Variants in MYO16 observed in about 807,000 individuals in gnomAD.
MYO16 encodes myosin XVI.
Under a neutral mutation model 205.3 loss-of-function variants are expected in MYO16, and 94 were observed. That is an observed-to-expected ratio of 0.46 (90% CI 0.39 to 0.54). The LOEUF (loss-of-function observed/expected upper bound fraction) is 0.54, where lower values mean the gene tolerates loss of function less well. MYO16 is among the 20% of genes least tolerant of loss of function. The probability of loss-of-function intolerance (pLI) is 0.00; values close to 1 mark genes in which losing one functional copy is unlikely to be tolerated. For missense variants in MYO16, 2,315 were observed against 2,387.5 expected, an observed-to-expected ratio of 0.97 and a Z score of 0.63; for synonymous variants, 988 against 954.0, an observed-to-expected ratio of 1.04 and a Z score of -0.66.
chr13:108,721,498 T>G (rs1161289359), intron 3 of MYO16, among the ~76,000 whole-genome samples: 1 of 152,140 alleles, frequency 6.6e-6, no homozygotes, highest in East Asian at 1.9e-4. Flanking sequence ...GGATGACATT[T>G]TGGGGATCTT....
At chr13:108,942,817 A>G (rs1882784462) in intron 16 of MYO16, among the ~76,000 whole-genome samples, 1 of 152,146 alleles carries the variant, frequency 6.6e-6, no homozygotes, top group Non-Finnish European at 1.5e-5. Context: ...CAAAACCACA[A>G]AACACTGTCT....
chr13:108,890,881 C>G (rs1240758639), intron 14 of MYO16, among the ~76,000 whole-genome samples: 1 of 152,174 alleles, frequency 6.6e-6, no homozygotes, highest in Non-Finnish European at 1.5e-5. Context: ...ATATCCCCTT[C>G]CTCTTACTCT....
intron 23 of MYO16, among the ~76,000 whole-genome samples, chr13:109,029,997 A>G (rs1320276476): frequency 6.6e-6 from 1 of 152,152 alleles, no homozygotes; most frequent in Non-Finnish European, 1.5e-5. Context: ...ATTTTTTCAT[A>G]AAGGAATCAA....
intron 27 of MYO16, among the ~76,000 whole-genome samples, chr13:109,093,938 G>A (rs1342490428): frequency 6.6e-6 from 1 of 152,084 alleles, no homozygotes; most frequent in Admixed American, 6.6e-5. Context: ...TCTGAGCTGA[G>A]GTCCTGACAG....
chr13:109,064,479 G>A (rs954438277), intron 27 of MYO16, among the ~76,000 whole-genome samples: 6 of 152,178 alleles, frequency 3.9e-5, no homozygotes, highest in African/African-American at 1.4e-4. Context: ...CCACCAATAT[G>A]TTCTGTAGAA....
At chr13:108,762,959 A>G (rs1191691283) in intron 4 of MYO16, among the ~76,000 whole-genome samples, 1 of 151,886 alleles carries the variant, frequency 6.6e-6, no homozygotes, top group Admixed American at 6.6e-5. Flanking sequence ...ATAAACACCA[A>G]TTAATATTTT....
chr13:108,726,567 A>AAAAAAAG (rs1555342198), intron 3 of MYO16, among the ~76,000 whole-genome samples: 13 of 150,278 alleles, frequency 8.7e-5, no homozygotes, highest in African/African-American at 3.2e-4. Context: ...CAAAAAAAAA[A>AAAAAAAG]AAAAAGAAAA....
chr13:108,855,170 C>A (rs772637846), intron 10 of MYO16: 62 of 305,606 alleles, frequency 2.0e-4, no homozygotes, highest in Non-Finnish European at 3.6e-4. Context: ...CTGAACTCAT[C>A]TTGACAGACC....
At position 109,120,438 on chromosome 13, in the gene MYO16, G is replaced by T. The variant is rs552430986; in HGVS notation, c.3507G>T (p.Leu1169Phe). The T allele has an allele frequency of 2.5e-6, 4 of 1,611,736 alleles. No individual in the cohort carries two copies. The Admixed American group carries it at 6.7e-5, about 27-fold the overall frequency. Residue 1169 changes from leucine to phenylalanine, a missense_variant, in exon 29 of 35, where the codon TTG becomes TTT. Transcript: ENST00000457511. ...ADQLNDLCLQ[L>F]QRKIITCQKV... ...AACTCAATGATTTGTGCCTACAGTT[G>T]CAGAGAAAAATTATAACCTGCCAAA... is the stretch of plus-strand genomic sequence containing the variant.
chr13:108,747,490 A>G (rs1466335708), intron 4 of MYO16, among the ~76,000 whole-genome samples: 3 of 152,166 alleles, frequency 2.0e-5, no homozygotes, highest in Admixed American at 6.5e-5. Context: ...TTAAAAATGT[A>G]TATTGGAAAC....
chr13:108,554,848 TAA>T, the MYO16 span, among the ~76,000 whole-genome samples: 3,635 of 77,832 alleles, frequency 0.047, 75 homozygotes, highest in South Asian at 0.17. Context: ...AGACTCTGAC[TAA>T]AAAAAAAAAA....
chr13:108,765,057 T>G (rs1885733355), intron 4 of MYO16, among the ~76,000 whole-genome samples: 1 of 152,286 alleles, frequency 6.6e-6, no homozygotes, highest in South Asian at 2.1e-4. Context: ...AGATAATCAT[T>G]GAATCTTTTG....
intron 4 of MYO16, among the ~76,000 whole-genome samples, chr13:108,737,246 C>T (rs1209885717): frequency 6.6e-6 from 1 of 152,116 alleles, no homozygotes; most frequent in African/African-American, 2.4e-5. Flanking sequence ...CTAGTTTTTG[C>T]CCATTCAGTA....
chr13:108,729,672 AT>A (rs1218252066), intron 4 of MYO16, among the ~76,000 whole-genome samples: 1 of 152,180 alleles, frequency 6.6e-6, no homozygotes, highest in Non-Finnish European at 1.5e-5. Context: ...TGTGCTTAAA[AT>A]TTTTAAATCC....
chr13:108,786,518 A>C (rs960581457), intron 5 of MYO16, among the ~76,000 whole-genome samples: 2 of 152,234 alleles, frequency 1.3e-5, no homozygotes, highest in African/African-American at 4.8e-5. Context: ...ACAGTTTTTA[A>C]GAGCCACACG....
chr13:108,597,173 T>A (rs935628245), intron 1 of MYO16, among the ~76,000 whole-genome samples: 3 of 152,210 alleles, frequency 2.0e-5, no homozygotes, highest in Admixed American at 6.5e-5. Flanking sequence ...TTTCACTACA[T>A]GCTTACAACA....
At chr13:108,818,372 AAAC>A (rs1025067176) in intron 7 of MYO16, among the ~76,000 whole-genome samples, 1 of 113,100 alleles carries the variant, frequency 8.8e-6, no homozygotes, top group African/African-American at 2.8e-5. Flanking sequence ...TGAGAAAGTG[AAAC>A]AACGTCTCAA....
intron 1 of MYO16, among the ~76,000 whole-genome samples, chr13:108,642,970 A>T (rs549744878): frequency 2.2e-4 from 33 of 152,084 alleles, no homozygotes; most frequent in Non-Finnish European, 3.2e-4. Flanking sequence ...TAACTCTTCC[A>T]TTATTGTTTT....
At chr13:108,666,854 A>G (rs1343652231) in intron 2 of MYO16, among the ~76,000 whole-genome samples, 1 of 152,154 alleles carries the variant, frequency 6.6e-6, no homozygotes, top group Non-Finnish European at 1.5e-5. Context: ...GTTTTCCTAT[A>G]TAGAACCCAC....
Sources: allele counts gnomAD v4.1 joint callset (sites outside exome capture counted in the v4.1 genomes callset), GRCh38; gene constraint gnomAD v4.1.1; transcripts MANE v1.5; gene names NCBI Gene and HGNC (gene_info 2026-07-23, HGNC 2026-07-21).